Variants in MZT2A observed in about 807,000 individuals in gnomAD.
MZT2A encodes mitotic-spindle organizing protein 2A.
Under a neutral mutation model 12.4 loss-of-function variants are expected in MZT2A, and 8 were observed. The ratio of observed to expected loss-of-function variants is 0.64; its 90% CI spans 0.38 to 1.16. MZT2A has a LOEUF of 1.16. Among genes scored for constraint, MZT2A ranks in the 50% most tolerant of loss-of-function variants. The probability of loss-of-function intolerance (pLI) is 0.01; values close to 1 mark genes in which losing one functional copy is unlikely to be tolerated. For missense variants in MZT2A, 181 were observed against 223.6 expected (o/e 0.81, Z 1.22); for synonymous variants, 88 against 107.5 (o/e 0.82, Z 1.12).
intron 2 of MZT2A, chr2:131,490,909 G>A (rs749881467): frequency 3.2e-6 from 5 of 1,549,708 alleles, no homozygotes; most frequent in South Asian, 2.4e-5. Context: ...GTCAGAGAGA[G>A]ACACAAAGAG....
chr2:131,492,924 C>G (rs891533990), upstream of MZT2A: 108 of 1,521,766 alleles, frequency 7.1e-5, no homozygotes, highest in East Asian at 9.0e-4. Context: ...CTCCCTCCCC[C>G]CGCACTCCTG....
Position 131,492,197 on chromosome 2 carries a change from C to T in MZT2A, c.170+10G>A. 2 of 1,562,276 alleles carry T rather than the reference C, an allele frequency of 1.3e-6. No individual in the cohort carries two copies. The highest frequency in any genetic ancestry group is 1.7e-6 in the Non-Finnish European group (2 of 1,157,888). Reference sequence around the variant, plus strand: ...CTGGCGAGCATGCGGCCCCCACCCGCCCCGCTCACTTGAACACGTCGGGGT... The same window carrying T: ...CTGGCGAGCATGCGGCCCCCACCCGTCCCGCTCACTTGAACACGTCGGGGT... On this transcript the variant is annotated intron_variant, in intron 1 of 2. Transcript: ENST00000309451.
chr2:131,471,258 G>T (rs1221110175), intron 3 of MZT2A, among the ~76,000 whole-genome samples: 3 of 140,400 alleles, frequency 2.1e-5, no homozygotes, highest in Non-Finnish European at 4.4e-5. Flanking sequence ...TCATGCAGGG[G>T]GATGATACTA....
chr2:131,493,113 G>A, upstream of MZT2A: 2 of 1,489,698 alleles, frequency 1.3e-6, no homozygotes, highest in East Asian at 2.4e-5. Flanking sequence ...TTCCACCTCT[G>A]AAGCGGGCGA....
upstream of MZT2A, chr2:131,492,880 C>T: frequency 6.7e-7 from 1 of 1,502,016 alleles, no homozygotes; most frequent in African/African-American, 1.4e-5. Flanking sequence ...GCGCCAGAGG[C>T]CGCCACAACG....
chr2:131,481,831 G>T (rs571495370), downstream of MZT2A, among the ~76,000 whole-genome samples: 1 of 152,348 alleles, frequency 6.6e-6, no homozygotes, highest in African/African-American at 2.4e-5. Flanking sequence ...CTCCCAAAGT[G>T]CTGGGGTCAC....
intron 2 of MZT2A, among the ~76,000 whole-genome samples, chr2:131,475,925 G>A (rs531760488): frequency 6.7e-6 from 1 of 148,754 alleles, no homozygotes; most frequent in South Asian, 2.1e-4. Flanking sequence ...AAATGCCTCA[G>A]CAACCGCGCA....
At chr2:131,477,507 G>A (rs1678713807) in intron 2 of MZT2A, among the ~76,000 whole-genome samples, 1 of 151,958 alleles carries the variant, frequency 6.6e-6, no homozygotes, top group Non-Finnish European at 1.5e-5. Context: ...AGGGATTCAG[G>A]TCACCCACAG....
upstream of MZT2A, chr2:131,493,271 G>T: frequency 7.5e-7 from 1 of 1,333,594 alleles, no homozygotes; most frequent in Non-Finnish European, 9.6e-7. Flanking sequence ...CCCAGGCCGG[G>T]CAGGCTGGGG....
intron 2 of MZT2A, among the ~76,000 whole-genome samples, chr2:131,474,641 C>T (rs1422830744): frequency 1.3e-5 from 2 of 150,846 alleles, no homozygotes; most frequent in African/African-American, 4.9e-5. Flanking sequence ...AACTCCTGAC[C>T]TCAAGTGATC....
chr2:131,492,831 T>G, upstream of MZT2A: 5 of 1,451,050 alleles, frequency 3.4e-6, no homozygotes, highest in East Asian at 3.3e-5. Flanking sequence ...CGCACGCGCA[T>G]TCCTTGCTAG....
At position 131,492,332 on chromosome 2, in the gene MZT2A, G is replaced by C. The variant is rs1168117381; in HGVS notation, c.45C>G (p.Pro15=). Residue 15 remains proline, a synonymous_variant, in exon 1 of 3, where the codon CCC becomes CCG. Transcript: ENST00000309451. ...GVGPGPGSAA[P]PGLEAARQKL... is the part of the protein sequence containing the mutation. ...TCTGCCGGGCCGCCTCCAGCCCCGG[G>C]GGCGCCGCCGACCCCGGCCCAGGCC... The C allele has an allele frequency of 3.3e-6, 5 of 1,508,738 alleles. No homozygotes were observed. The highest frequency in any genetic ancestry group is 4.4e-6 in the Non-Finnish European group (5 of 1,137,140). 93.5% of individuals were successfully genotyped at this position (1,508,738 alleles called of 1,614,324 possible).
chr2:131,487,761 C>T (rs1380918608), intron 2 of MZT2A, among the ~76,000 whole-genome samples: 1 of 152,208 alleles, frequency 6.6e-6, no homozygotes, highest in Non-Finnish European at 1.5e-5. Flanking sequence ...GCCTCATTCA[C>T]TTTGGGGTTT....
chr2:131,490,599 G>A, intron 2 of MZT2A: 1 of 1,544,440 alleles, frequency 6.5e-7, no homozygotes, highest in Non-Finnish European at 8.7e-7. Context: ...GGCAGCGGTG[G>A]CCTGCATGAT....
downstream of MZT2A, among the ~76,000 whole-genome samples, chr2:131,480,910 CTT>C (rs375835410): frequency 6.8e-6 from 1 of 146,004 alleles, no homozygotes; most frequent in African/African-American, 2.5e-5. Context: ...TCAGTGATTT[CTT>C]TTTTTTTTTT....
rs1475279943 is a variant in MZT2A at position 131,487,039 on chromosome 2, A to G, written c.320-2821T>C. ...TAGCCCTGCTCCCTCGGGAGGGGCT[A>G]CTGAGTCAGACGGGCTAGACAGTGG... On this transcript the variant is annotated intron_variant, in intron 2 of 2. Coordinates refer to ENST00000309451, the MANE Select transcript of MZT2A (RefSeq NM_001085365.2). Among the ~76,000 whole-genome samples the G allele has an allele frequency of 1.1e-4, 17 of 152,286 alleles. No homozygotes were observed. The South Asian group carries it at 2.3e-3, about 20-fold the overall frequency.
At chr2:131,472,921 A>C (rs754947289) in intron 2 of MZT2A, among the ~76,000 whole-genome samples, 20 of 150,008 alleles carry the variant, frequency 1.3e-4, no homozygotes, top group African/African-American at 4.8e-4. Flanking sequence ...GTCCCCCCCC[A>C]CCAATATTAG....
At chr2:131,490,735 G>A (rs1679259832) in intron 2 of MZT2A, 8 of 1,548,080 alleles carry the variant, frequency 5.2e-6, no homozygotes, top group Non-Finnish European at 7.0e-6. Context: ...AGAACAGGCA[G>A]CAAGAGAGGC....
intron 2 of MZT2A, chr2:131,478,034 A>AG (rs1302596269): frequency 1.6e-6 from 2 of 1,283,918 alleles, no homozygotes; most frequent in African/African-American, 3.0e-5. Flanking sequence ...TAACCCTCCT[A>AG]GGAAATATCG....
Sources: gnomAD v4.1 joint callset for allele counts (sites outside exome capture counted in the v4.1 genomes callset) on GRCh38, gnomAD v4.1.1 for gene constraint, MANE v1.5 for transcripts, NCBI Gene and HGNC (gene_info 2026-07-23, HGNC 2026-07-21) for gene names.